The following KIF13B variants were observed in gnomAD, a reference collection of about 807,000 sequenced individuals.
The protein encoded by KIF13B is kinesin-like protein KIF13B.
Under a neutral mutation model 222.0 loss-of-function variants are expected in KIF13B, and 127 were observed. The observed-to-expected ratio is 0.57, with a 90% CI of 0.50 to 0.66. The LOEUF (loss-of-function observed/expected upper bound fraction) is 0.66. KIF13B is among the 30% of genes least tolerant of loss of function. The pLI, the probability that KIF13B is intolerant of heterozygous loss-of-function variation, is 0.00. For missense variants in KIF13B, 2,173 were observed against 2,379.0 expected, an observed-to-expected ratio of 0.91 and a Z score of 1.80; for synonymous variants, 976 against 919.0, an observed-to-expected ratio of 1.06 and a Z score of -1.12.
intron 22 of KIF13B, 104 bp from the exon 23 acceptor site, chr8:29,132,569 G>T: frequency 1.4e-6 from 1 of 702,002 alleles, no homozygotes; most frequent in Non-Finnish European, 2.0e-6. Flanking sequence ...AAAAAAAATA[G>T]AAAATGGAAT....
chr8:29,155,426 T>C (rs1410509850), intron 14 of KIF13B, among the ~76,000 whole-genome samples: 1 of 152,168 alleles, frequency 6.6e-6, no homozygotes, highest in Admixed American at 6.5e-5. Context: ...AGGGATTTTC[T>C]GTCACAAACA....
intron 37 of KIF13B, among the ~76,000 whole-genome samples, chr8:29,088,058 G>C (rs528972031): frequency 6.6e-6 from 1 of 152,226 alleles, no homozygotes; most frequent in African/African-American, 2.4e-5. Context: ...ACGACATCAA[G>C]AGATCGAGAC....
At position 29,191,000 on chromosome 8, in the gene KIF13B, C is replaced by T; in HGVS notation, c.220G>A (p.Ala74Thr). 1 of 1,611,556 alleles carries T rather than the reference C, an allele frequency of 6.2e-7. No individual in the cohort carries two copies. Among genetic ancestry groups the T allele is most frequent in the Non-Finnish European group, 8.5e-7 (1 of 1,177,800 alleles). Reference sequence around the variant, plus strand: ...ACAGGATGCTGGATTCTATTACCTGCATACTTTTCTTTGACAGATTCATCC... The same window carrying T: ...ACAGGATGCTGGATTCTATTACCTGTATACTTTTCTTTGACAGATTCATCC... Reference protein sequence around the residue: ...SMDESVKEKYAGQDIVFKCLG... With the variant: ...SMDESVKEKYTGQDIVFKCLG... Residue 74 changes from alanine to threonine, a missense_variant, in exon 4 of 40, where the codon GCA becomes ACA. Ala to Thr is a moderately conservative substitution (Grantham distance 58). This residue lies in a region of KIF13B where 1,480 missense variants were observed against 1,722.8 expected (regional missense o/e 0.86). Transcript: ENST00000524189.
chr8:29,178,203 T>C (rs10100163), intron 8 of KIF13B, among the ~76,000 whole-genome samples: 129,706 of 152,010 alleles, frequency 0.85, 55,977 homozygotes, highest in Non-Finnish European at 0.9. Context: ...TCAAATTTTA[T>C]TATTATTGGA....
chr8:29,243,123 G>A (rs1273061634), intron 2 of KIF13B, among the ~76,000 whole-genome samples: 1 of 152,116 alleles, frequency 6.6e-6, no homozygotes, highest in Admixed American at 6.6e-5. Context: ...AAGGCAGGCG[G>A]ATCACTTGAG....
intron 5 of KIF13B, among the ~76,000 whole-genome samples, chr8:29,188,253 T>TC (rs545460879): frequency 7.0e-4 from 106 of 152,354 alleles, no homozygotes; most frequent in African/African-American, 2.5e-3. Context: ...AGTAATGTGT[T>TC]CAACAGTCAT....
chr8:29,098,678 T>A (rs1414754442), intron 36 of KIF13B, among the ~76,000 whole-genome samples: 3 of 150,942 alleles, frequency 2.0e-5, no homozygotes, highest in Non-Finnish European at 4.4e-5. Flanking sequence ...CCGGATCATG[T>A]AACTACGGAA....
intron 36 of KIF13B, 122 bp downstream of exon 36, chr8:29,099,011 T>C: frequency 1.2e-6 from 1 of 806,490 alleles, no homozygotes; most frequent in Non-Finnish European, 2.2e-6. Context: ...AGAGGAGAAA[T>C]GAAACAACTC....
intron 30 of KIF13B, among the ~76,000 whole-genome samples, chr8:29,117,305 C>T (rs1233157998): frequency 6.6e-6 from 1 of 152,166 alleles, no homozygotes; most frequent in East Asian, 1.9e-4. Flanking sequence ...CCCCTTTCAT[C>T]CCGACGCACC....
chr8:29,138,072 G>A (rs781700979), intron 21 of KIF13B, among the ~76,000 whole-genome samples: 26 of 152,168 alleles, frequency 1.7e-4, no homozygotes, highest in Non-Finnish European at 3.1e-4. Context: ...AAATTAGTCC[G>A]GATATGGTGG....
chr8:29,167,349 G>A lies in KIF13B; in HGVS notation c.1158+24C>T, dbSNP rs1463551891. The A allele has an allele frequency of 4.4e-6, 7 of 1,580,486 alleles. No individual in the cohort carries two copies. The Admixed American group carries it at 1.0e-4, about 23-fold the overall frequency. On this transcript the variant is annotated intron_variant, in intron 11 of 39. Transcript: ENST00000524189. ...CTGATTCCTCTTCCTGGACTCACAG[G>A]GCGCACGCGGTGGTGCCTCCTACCT... is the stretch of plus-strand genomic sequence containing the variant.
chr8:29,091,892 T>G (rs1808314048), intron 37 of KIF13B, among the ~76,000 whole-genome samples: 1 of 152,248 alleles, frequency 6.6e-6, no homozygotes, highest in Non-Finnish European at 1.5e-5. Context: ...AGCTAGATTT[T>G]TAAAAATTAC....
At chr8:29,080,243 T>C (rs1253794408) in intron 37 of KIF13B, among the ~76,000 whole-genome samples, 1 of 148,190 alleles carries the variant, frequency 6.7e-6, no homozygotes, top group African/African-American at 2.5e-5. Flanking sequence ...GAGCTGAGAA[T>C]TGCTTGAGCC....
intron 13 of KIF13B, among the ~76,000 whole-genome samples, chr8:29,160,290 G>A (rs538500130): frequency 6.6e-6 from 1 of 152,208 alleles, no homozygotes; most frequent in East Asian, 1.9e-4. Flanking sequence ...TTTCCTAAGA[G>A]TTACTGGAAA....
chr8:29,237,431 A>G (rs559751365), intron 2 of KIF13B, among the ~76,000 whole-genome samples: 2 of 152,198 alleles, frequency 1.3e-5, no homozygotes, highest in Admixed American at 6.5e-5. Context: ...CCTATTATCC[A>G]TAACTAACTT....
chr8:29,194,767 A>C (rs1321738696), intron 3 of KIF13B, among the ~76,000 whole-genome samples: 2 of 152,334 alleles, frequency 1.3e-5, no homozygotes, highest in Admixed American at 6.5e-5. Flanking sequence ...AGGAAAAATC[A>C]AGGTCTCCCT....
intron 38 of KIF13B, among the ~76,000 whole-genome samples, chr8:29,074,140 G>T (rs1941230475): frequency 6.6e-6 from 1 of 152,170 alleles, no homozygotes; most frequent in South Asian, 2.1e-4. Context: ...CACTTCCCCA[G>T]GCCAGGCTCT....
chr8:29,199,087 T>TTTTTTTTTTTTTTTTTATTA (rs1563781453), intron 2 of KIF13B, among the ~76,000 whole-genome samples: 1 of 151,824 alleles, frequency 6.6e-6, no homozygotes, highest in African/African-American at 2.4e-5. Flanking sequence ...ATAAAATTTT[T>TTTTTTTTTTTTTTTTTATTA]TAAAAAATAG....
chr8:29,209,821 T>C (rs1301526866), intron 2 of KIF13B, among the ~76,000 whole-genome samples: 2 of 149,074 alleles, frequency 1.3e-5, no homozygotes, highest in Non-Finnish European at 3.0e-5. Context: ...GGAGGCTGAG[T>C]TGGGAAGATC....
Sources: gnomAD v4.1 joint callset for allele counts (sites outside exome capture counted in the v4.1 genomes callset) on GRCh38, gnomAD v4.1.1 for gene constraint, gnomAD v4.1.1 regional missense constraint, MANE v1.5 for transcripts, NCBI Gene and HGNC (gene_info 2026-07-23, HGNC 2026-07-21) for gene names.